The following SYNPR variants were observed in gnomAD, a reference collection of about 807,000 sequenced individuals.
The protein encoded by SYNPR is synaptoporin.
In SYNPR, 23 loss-of-function variants were observed where a neutral mutation model predicts 32.9. The ratio of observed to expected loss-of-function variants is 0.70; its 90% CI spans 0.50 to 0.99. The LOEUF is 0.99. Among genes scored for constraint, SYNPR ranks in the 50% least tolerant of loss-of-function variants. SYNPR has a pLI of 0.00. For synonymous variants in SYNPR, 146 were observed against 135.9 expected (o/e 1.07, Z -0.52); for missense variants, 318 against 349.3 (o/e 0.91, Z 0.71).
chr3:63,419,861 G>A (rs1279195143), intron 2 of SYNPR, among the ~76,000 whole-genome samples: 1 of 152,168 alleles, frequency 6.6e-6, no homozygotes, highest in African/African-American at 2.4e-5. Flanking sequence ...CAGCTCATAA[G>A]CAATACTAGT....
At chr3:63,514,370 C>T (rs910395441) in intron 3 of SYNPR, among the ~76,000 whole-genome samples, 1 of 152,158 alleles carries the variant, frequency 6.6e-6, no homozygotes, top group Non-Finnish European at 1.5e-5. Context: ...GAAGACAGAG[C>T]AAGTCATGGA....
intron 4 of SYNPR, among the ~76,000 whole-genome samples, chr3:63,590,905 T>A (rs1358622829): frequency 6.9e-6 from 1 of 145,442 alleles, no homozygotes; most frequent in African/African-American, 2.5e-5. Flanking sequence ...GGCAAGGACT[T>A]CATGTCCAAA....
chr3:63,460,984 G>T (rs1247575075), intron 2 of SYNPR, among the ~76,000 whole-genome samples: 2 of 151,918 alleles, frequency 1.3e-5, no homozygotes, highest in Non-Finnish European at 2.9e-5. Flanking sequence ...AACTAACAAA[G>T]CTAGGTAACT....
chr3:63,291,355 A>AGTTT (rs1226592952), intron 2 of SYNPR, among the ~76,000 whole-genome samples: 2 of 151,436 alleles, frequency 1.3e-5, no homozygotes, highest in Non-Finnish European at 2.9e-5. Flanking sequence ...AAATAAAATG[A>AGTTT]GTTTATGTGT....
intron 2 of SYNPR, among the ~76,000 whole-genome samples, chr3:63,386,366 C>G (rs2088044770): frequency 6.6e-6 from 1 of 152,192 alleles, no homozygotes; most frequent in Non-Finnish European, 1.5e-5. Flanking sequence ...TTCCCCTGTT[C>G]TATTGCCGCC....
At chr3:63,363,914 C>T (rs1196808668) in intron 2 of SYNPR, among the ~76,000 whole-genome samples, 1 of 152,062 alleles carries the variant, frequency 6.6e-6, no homozygotes, top group East Asian at 1.9e-4. Context: ...TAAAATTGTG[C>T]ATGATAATGA....
intron 2 of SYNPR, among the ~76,000 whole-genome samples, chr3:63,260,633 G>C (rs1263986331): frequency 6.6e-6 from 1 of 152,076 alleles, no homozygotes; most frequent in Non-Finnish European, 1.5e-5. Flanking sequence ...AGAAAACCTA[G>C]GCAATACCAT....
chr3:63,209,823 A>T, the SYNPR span, among the ~76,000 whole-genome samples: 1 of 152,172 alleles, frequency 6.6e-6, no homozygotes. Context: ...TCAAATAGCT[A>T]ATTAGGCAAT....
At chr3:63,415,674 A>T (rs1321168024) in intron 2 of SYNPR, among the ~76,000 whole-genome samples, 1 of 152,242 alleles carries the variant, frequency 6.6e-6, no homozygotes, top group East Asian at 1.9e-4. Flanking sequence ...TACTTGGCCC[A>T]CAGGCCATAG....
At position 63,442,499 on chromosome 3, in the gene SYNPR, C is replaced by T. The variant is rs575320976; in HGVS notation, c.85-38333C>T. On this transcript the variant is annotated intron_variant, in intron 2 of 5. Coordinates refer to ENST00000478300, the MANE Select transcript of SYNPR (RefSeq NM_001130003.2). ...GTGAGAACATGTCACCTGTGGCAGC[C>T]TCTCCAAGAATTTGATACAAATGCC... Among the ~76,000 whole-genome samples, 8 of 152,264 alleles carry T rather than the reference C, an allele frequency of 5.3e-5. No individual in the cohort carries two copies. The South Asian group carries it at 1.7e-3, about 32-fold the overall frequency.
At chr3:63,270,476 T>C (rs2086525191) in intron 3 of SYNPR, among the ~76,000 whole-genome samples, 1 of 152,212 alleles carries the variant, frequency 6.6e-6, no homozygotes, top group South Asian at 2.1e-4. Flanking sequence ...GTGAACCAGT[T>C]CCCTAATATT....
intron 2 of SYNPR, among the ~76,000 whole-genome samples, chr3:63,476,295 GAGGGAAGGAAGGGAAGGGAGGGAAGCA>G (rs1700917496): frequency 2.6e-5 from 2 of 76,258 alleles, no homozygotes; most frequent in South Asian, 6.1e-4. Context: ...GAAGGGAAGG[GAGGGAAGGAAGGGAAGGGAGGGAAGCA>G]AGGGAAGGAA....
chr3:63,443,048 C>A (rs753691623), intron 2 of SYNPR: 31 of 1,005,774 alleles, frequency 3.1e-5, no homozygotes, highest in Middle Eastern at 4.9e-4. Flanking sequence ...GGAGATGGTG[C>A]CTCTGTTGGT....
At chr3:63,273,231 T>A (rs1265582386) in intron 3 of SYNPR, among the ~76,000 whole-genome samples, 1 of 152,182 alleles carries the variant, frequency 6.6e-6, no homozygotes, top group African/African-American at 2.4e-5. Context: ...AAAATTGCAA[T>A]GAAAACTGCA....
intron 2 of SYNPR, among the ~76,000 whole-genome samples, chr3:63,327,327 T>A (rs540133762): frequency 1.2e-4 from 18 of 152,264 alleles, no homozygotes; most frequent in African/African-American, 4.3e-4. Context: ...CAGCAGTACC[T>A]ACTAAAGTGG....
intron 2 of SYNPR, among the ~76,000 whole-genome samples, chr3:63,325,526 T>C (rs1455026039): frequency 1.3e-5 from 2 of 152,126 alleles, no homozygotes; most frequent in African/African-American, 2.4e-5. Context: ...AGGATCTTAC[T>C]GAGGTGCCAA....
intron 2 of SYNPR, among the ~76,000 whole-genome samples, chr3:63,397,336 A>C (rs1349557995): frequency 2.0e-5 from 3 of 152,206 alleles, no homozygotes; most frequent in Non-Finnish European, 4.4e-5. Context: ...AACTTTGTTT[A>C]ATGCAGAGAA....
chr3:63,575,807 G>A (rs1187045735), intron 4 of SYNPR, among the ~76,000 whole-genome samples: 2 of 152,154 alleles, frequency 1.3e-5, no homozygotes, highest in Admixed American at 1.3e-4. Flanking sequence ...AATAAGAAGA[G>A]TGTGGTTTAT....
At chr3:63,503,465 G>A (rs182413299) in intron 3 of SYNPR, among the ~76,000 whole-genome samples, 35 of 152,182 alleles carry the variant, frequency 2.3e-4, no homozygotes, top group Admixed American at 1.4e-3. Flanking sequence ...ATTGTGGCAC[G>A]TCTTATAATT....
Sources: allele counts gnomAD v4.1 joint callset (sites outside exome capture counted in the v4.1 genomes callset), GRCh38; gene constraint gnomAD v4.1.1; transcripts MANE v1.5; gene names NCBI Gene and HGNC (gene_info 2026-07-23, HGNC 2026-07-21).